The following SUSD4 variants were observed in gnomAD, a reference collection of about 807,000 sequenced individuals.
SUSD4 encodes sushi domain-containing protein 4.
Under a neutral mutation model 50.5 loss-of-function variants are expected in SUSD4, and 41 were observed. The ratio of observed to expected loss-of-function variants is 0.81; its 90% confidence interval spans 0.63 to 1.05. The LOEUF is 1.05. Among genes scored for constraint, SUSD4 ranks in the 50% least tolerant of loss-of-function variants. SUSD4 has a pLI of 0.00. For synonymous variants in SUSD4, 257 were observed against 257.3 expected (o/e 1.00, Z 0.01); for missense variants, 580 against 634.7 (o/e 0.91, Z 0.93).
intron 2 of SUSD4, among the ~76,000 whole-genome samples, chr1:223,298,939 A>T (rs1166707458): frequency 2.0e-5 from 3 of 152,206 alleles, no homozygotes; most frequent in African/African-American, 7.2e-5. Context: ...GCTGCCGGCC[A>T]TGGGCTCCAG....
At chr1:223,362,513 C>T (rs1013154433) in intron 2 of SUSD4, among the ~76,000 whole-genome samples, 1 of 152,170 alleles carries the variant, frequency 6.6e-6, no homozygotes, top group African/African-American at 2.4e-5. Context: ...CTGTCTTCCT[C>T]TACCACAACT....
chr1:223,342,573 T>C (rs1352953062), intron 2 of SUSD4, among the ~76,000 whole-genome samples: 1 of 152,146 alleles, frequency 6.6e-6, no homozygotes, highest in African/African-American at 2.4e-5. Flanking sequence ...CAATGGAATA[T>C]AACAGAAGGC....
intron 5 of SUSD4, among the ~76,000 whole-genome samples, chr1:223,250,317 A>G (rs530403432): frequency 1.3e-5 from 2 of 152,358 alleles, no homozygotes; most frequent in South Asian, 2.1e-4. Context: ...TAGCTACATT[A>G]CAGGCCAGTG....
intron 5 of SUSD4, chr1:223,263,900 T>C (rs1199429393): frequency 2.0e-6 from 2 of 985,422 alleles, no homozygotes; most frequent in South Asian, 9.4e-5. Context: ...TTTCCCCATA[T>C]AGACCCCTCC....
At chr1:223,345,426 A>G (rs1233512858) in intron 2 of SUSD4, among the ~76,000 whole-genome samples, 1 of 152,162 alleles carries the variant, frequency 6.6e-6, no homozygotes, top group East Asian at 1.9e-4. Context: ...GCCAGGGTCC[A>G]GATCCAGGCC....
At chr1:223,276,674 C>T (rs1227799959) in intron 3 of SUSD4, among the ~76,000 whole-genome samples, 2 of 152,304 alleles carry the variant, frequency 1.3e-5, no homozygotes, top group East Asian at 3.9e-4. Flanking sequence ...GGAGCAAGTA[C>T]AGGATAGCAG....
intron 2 of SUSD4, among the ~76,000 whole-genome samples, chr1:223,317,209 A>T (rs761192108): frequency 9.8e-5 from 15 of 152,290 alleles, no homozygotes; most frequent in Middle Eastern, 3.4e-3. Flanking sequence ...CAAAACCAAG[A>T]TGACGACAAG....
At chr1:223,254,182 G>T (rs1223438300) in intron 5 of SUSD4, among the ~76,000 whole-genome samples, 1 of 152,164 alleles carries the variant, frequency 6.6e-6, no homozygotes, top group African/African-American at 2.4e-5. Context: ...GCTTGAGACT[G>T]GTGAAATCCC....
At chr1:223,264,143 T>C (rs1038207720) in intron 5 of SUSD4, 3 of 985,400 alleles carry the variant, frequency 3.0e-6, no homozygotes, top group Non-Finnish European at 3.6e-6. Context: ...TCTATAGTCA[T>C]AGAGATTTAA....
chr1:223,289,903 G>A (rs1367639013), intron 3 of SUSD4, among the ~76,000 whole-genome samples: 1 of 152,174 alleles, frequency 6.6e-6, no homozygotes, highest in African/African-American at 2.4e-5. Flanking sequence ...CAATGCTGTT[G>A]TAGGATTAAT....
chr1:223,257,482 C>T (rs894695722), intron 5 of SUSD4, among the ~76,000 whole-genome samples: 1 of 152,228 alleles, frequency 6.6e-6, no homozygotes, highest in Non-Finnish European at 1.5e-5. Context: ...CTGGTGCTCC[C>T]AGGCCACCAC....
chr1:223,278,891 G>A (rs1211070823), intron 3 of SUSD4, among the ~76,000 whole-genome samples: 1 of 152,198 alleles, frequency 6.6e-6, no homozygotes, highest in Non-Finnish European at 1.5e-5. Flanking sequence ...CGATCAGGTA[G>A]GAACATTTGC....
intron 4 of SUSD4, among the ~76,000 whole-genome samples, chr1:223,266,701 A>G (rs1662513571): frequency 6.6e-6 from 1 of 152,254 alleles, no homozygotes; most frequent in Non-Finnish European, 1.5e-5. Flanking sequence ...TAGATAATAG[A>G]GAGAGGCCTC....
At chr1:223,309,953 A>G (rs1023677507) in intron 2 of SUSD4, among the ~76,000 whole-genome samples, 3 of 152,196 alleles carry the variant, frequency 2.0e-5, no homozygotes, top group Non-Finnish European at 4.4e-5. Context: ...TGGTCTACAC[A>G]AGAACTCCAG....
intron 5 of SUSD4, among the ~76,000 whole-genome samples, chr1:223,240,242 A>G (rs1333078610): frequency 1.3e-5 from 2 of 151,924 alleles, no homozygotes; most frequent in South Asian, 2.1e-4. Context: ...TTTGAAAATG[A>G]TATTTCTGGT....
chr1:223,351,257 A>G (rs969719697), intron 2 of SUSD4, among the ~76,000 whole-genome samples: 1 of 152,226 alleles, frequency 6.6e-6, no homozygotes, highest in East Asian at 1.9e-4. Flanking sequence ...ATACAGCTGC[A>G]CTATGTGCAA....
At chr1:223,242,707 G>A (rs1284955771) in intron 5 of SUSD4, among the ~76,000 whole-genome samples, 2 of 152,218 alleles carry the variant, frequency 1.3e-5, no homozygotes, top group Non-Finnish European at 2.9e-5. Context: ...TCTGTCCGAT[G>A]AAGAAAATAA....
In SUSD4 at chr1:223,227,484, T is replaced by C. The variant is rs2102995481; in HGVS notation, c.1061+110A>G. On this transcript the variant is annotated intron_variant, in intron 7 of 8. Transcript: ENST00000366878. The surrounding 1 kb of genome is among the most constrained non-coding windows in gnomAD (Gnocchi z 4.5). ...CCAGAACATTGTTTTTGCTCTCCCCTGTTTCCCTTTAGAGCTTCAACTTTT... is the reference window on the plus strand; with the variant it reads ...CCAGAACATTGTTTTTGCTCTCCCCCGTTTCCCTTTAGAGCTTCAACTTTT... The C allele has an allele frequency of 7.1e-7, 1 of 1,408,922 alleles. No homozygotes were observed. Among genetic ancestry groups the C allele is most frequent in the Non-Finnish European group, 9.6e-7 (1 of 1,038,546 alleles). 87.3% of individuals were successfully genotyped at this position (1,408,922 alleles called of 1,614,324 possible).
In SUSD4 at chr1:223,227,646, C is replaced by G; in HGVS notation, c.1009G>C (p.Val337Leu). The stretch of plus-strand genomic sequence containing the variant: ...GTCTGGAACATCCTGGCCAGGATGA[C>G]GAGCAGCAGCACCAGCAGCACACTG... Reference protein sequence around the residue: ...ATSVLLVLLLVILARMFQTKF... With the variant: ...ATSVLLVLLLLILARMFQTKF... Residue 337 changes from valine to leucine, a missense_variant, in exon 7 of 9, where the codon GTC (valine) becomes CTC (leucine). By Grantham distance (32) the Val-to-Leu change is conservative. Coordinates refer to ENST00000366878, the MANE Select transcript of SUSD4 (RefSeq NM_017982.4). This position sits in a 1 kb window ranked among gnomAD's most constrained non-coding sequence, Gnocchi z 4.5. The G allele has an allele frequency of 6.2e-7, 1 of 1,613,824 alleles. No individual in the cohort carries two copies. The highest frequency in any genetic ancestry group is 1.1e-5 in the South Asian group (1 of 90,972).
Sources: allele counts gnomAD v4.1 joint callset (sites outside exome capture counted in the v4.1 genomes callset), GRCh38; gene constraint gnomAD v4.1.1; non-coding constraint Gnocchi (gnomAD v3.1); transcripts MANE v1.5; gene names NCBI Gene and HGNC (gene_info 2026-07-23, HGNC 2026-07-21).